The following PRKG1 variants were observed in gnomAD, a reference collection of about 807,000 sequenced individuals.
PRKG1 encodes cGMP-dependent protein kinase 1.
In PRKG1, 35 loss-of-function variants were observed where a neutral mutation model predicts 88.1. The observed-to-expected ratio is 0.40, with a 90% CI of 0.30 to 0.53. PRKG1 has a LOEUF of 0.53. Ranked by LOEUF, PRKG1 falls within the 20% of genes least tolerant of loss-of-function variation. The pLI is 0.59. For synonymous variants in PRKG1, 303 were observed against 292.5 expected (o/e 1.04, Z -0.37); for missense variants, 540 against 839.8 (o/e 0.64, Z 4.41).
chr10:51,998,387 C>A (rs1011645100), intron 5 of PRKG1, among the ~76,000 whole-genome samples: 2 of 152,100 alleles, frequency 1.3e-5, no homozygotes, highest in Non-Finnish European at 2.9e-5. Flanking sequence ...TCAACAAATA[C>A]CCCTAGGCTG....
At chr10:52,157,544 CAGA>C (rs1471500334) in intron 8 of PRKG1, among the ~76,000 whole-genome samples, 5 of 151,144 alleles carry the variant, frequency 3.3e-5, no homozygotes, top group Admixed American at 3.3e-4. Flanking sequence ...CAGCTCCCTT[CAGA>C]AGAATGTTTT....
chr10:52,254,129 C>T (rs1841252015), intron 10 of PRKG1, among the ~76,000 whole-genome samples: 1 of 152,024 alleles, frequency 6.6e-6, no homozygotes. Context: ...GGCCTCATCA[C>T]TTTGCCCATA....
chr10:51,348,538 G>C (rs1842165931), intron 2 of PRKG1, among the ~76,000 whole-genome samples: 1 of 151,890 alleles, frequency 6.6e-6, no homozygotes, highest in South Asian at 2.1e-4. Context: ...GCGCATTAGA[G>C]ATCCCACACA....
chr10:51,842,923 C>T (rs1190936777), intron 4 of PRKG1, among the ~76,000 whole-genome samples: 1 of 151,720 alleles, frequency 6.6e-6, no homozygotes, highest in Non-Finnish European at 1.5e-5. Context: ...AAATGTGAAA[C>T]AATTTTCTAT....
At chr10:51,582,482 A>G (rs534233680) in intron 3 of PRKG1, among the ~76,000 whole-genome samples, 1 of 148,256 alleles carries the variant, frequency 6.7e-6, no homozygotes, top group South Asian at 2.2e-4. Flanking sequence ...CCCTCCACCC[A>G]CCCTCCCTGA....
At chr10:51,058,037 A>C (rs1843650826) in intron 1 of PRKG1, among the ~76,000 whole-genome samples, 1 of 152,138 alleles carries the variant, frequency 6.6e-6, no homozygotes, top group Non-Finnish European at 1.5e-5. Context: ...AATTCTTTTC[A>C]ATTTTAGCCA....
intron 2 of PRKG1, among the ~76,000 whole-genome samples, chr10:51,322,549 T>C (rs994753134): frequency 1.3e-5 from 2 of 152,142 alleles, no homozygotes; most frequent in Non-Finnish European, 2.9e-5. Flanking sequence ...ATAATAGTAA[T>C]AGCAATAGAA....
chr10:52,111,630 T>C, intron 7 of PRKG1, among the ~76,000 whole-genome samples: 1 of 152,214 alleles, frequency 6.6e-6, no homozygotes, highest in East Asian at 1.9e-4. Context: ...ATTTTAGTCT[T>C]TCTCTAGATA....
At chr10:51,633,725 A>C (rs1254400411) in intron 3 of PRKG1, among the ~76,000 whole-genome samples, 3 of 152,146 alleles carry the variant, frequency 2.0e-5, no homozygotes, top group African/African-American at 7.2e-5. Context: ...CGGCAGTTTT[A>C]GATTTTACTT....
intron 2 of PRKG1, among the ~76,000 whole-genome samples, chr10:51,415,176 C>T (rs2132695537): frequency 6.6e-6 from 1 of 152,336 alleles, no homozygotes; most frequent in Non-Finnish European, 1.5e-5. Context: ...TATGCTGCCT[C>T]TCTGCAGTAG....
intron 3 of PRKG1, among the ~76,000 whole-genome samples, chr10:51,601,240 T>C (rs1838590893): frequency 6.6e-6 from 1 of 152,174 alleles, no homozygotes; most frequent in African/African-American, 2.4e-5. Context: ...ACTCCCCATA[T>C]ATTTATTGAA....
intron 9 of PRKG1, among the ~76,000 whole-genome samples, chr10:52,231,765 A>G (rs1482670945): frequency 6.6e-6 from 1 of 152,234 alleles, no homozygotes; most frequent in Non-Finnish European, 1.5e-5. Flanking sequence ...CTAAGATTGC[A>G]GTGATTCTTA....
chr10:51,920,096 C>T lies in PRKG1; in HGVS notation c.762+12526C>T, dbSNP rs560470918. Among the ~76,000 whole-genome samples the T allele has an allele frequency of 3.3e-5, 5 of 152,150 alleles. No homozygotes were observed. The East Asian group carries it at 9.7e-4, about 29-fold the overall frequency. ...TGCCTTCTGAAATACAAGAACTCAT[C>T]ATGAGGGCATGTAGAGTAGAGGTTG... On this transcript the variant is annotated intron_variant, in intron 5 of 17. Transcript: ENST00000373980.
intron 2 of PRKG1, among the ~76,000 whole-genome samples, chr10:51,361,748 C>T (rs574116881): frequency 2.3e-3 from 351 of 151,856 alleles, no homozygotes; most frequent in African/African-American, 8.2e-3. Flanking sequence ...ATTCTAGGAA[C>T]AGAAGTGCAA....
chr10:52,183,726 A>G (rs1910546), intron 9 of PRKG1, among the ~76,000 whole-genome samples: 2 of 152,120 alleles, frequency 1.3e-5, no homozygotes, highest in South Asian at 4.2e-4. Flanking sequence ...TGGTGCCATG[A>G]TGCAACAGCT....
chr10:52,022,936 C>CTTT (rs1233802023), intron 5 of PRKG1, among the ~76,000 whole-genome samples: 3 of 152,000 alleles, frequency 2.0e-5, no homozygotes, highest in Admixed American at 1.3e-4. Flanking sequence ...TTTAATTATA[C>CTTT]TTTAAGTTCT....
chr10:51,804,652 A>G lies in PRKG1; in HGVS notation c.660A>G (p.Gly220=). Residue 220 remains glycine, a synonymous_variant, in exon 4 of 18, where the codon GGA becomes GGG. Coordinates refer to ENST00000373980, the MANE Select transcript of PRKG1 (RefSeq NM_006258.4). ...QCFQTIMMRT[G]LIKHTEYMEF... Reference sequence around the variant, plus strand: ...TTCAAACAATAATGATGAGGACAGGACTCATCAAGCATACCGAGTATATGG... The same window carrying G: ...TTCAAACAATAATGATGAGGACAGGGCTCATCAAGCATACCGAGTATATGG... 6.3e-7 allele frequency: 1 copy of G among 1,599,338 alleles called. No homozygotes were observed. Among genetic ancestry groups the G allele is most frequent in the Non-Finnish European group, 8.6e-7 (1 of 1,167,148 alleles).
At chr10:51,431,401 G>GT (rs901674784) in intron 2 of PRKG1, among the ~76,000 whole-genome samples, 2 of 152,206 alleles carry the variant, frequency 1.3e-5, no homozygotes, top group African/African-American at 4.8e-5. Flanking sequence ...GAAGGACAAG[G>GT]TGGGAGAAGG....
intron 7 of PRKG1, among the ~76,000 whole-genome samples, chr10:52,075,092 A>G (rs1846595874): frequency 6.6e-6 from 1 of 152,226 alleles, no homozygotes; most frequent in African/African-American, 2.4e-5. Flanking sequence ...GCCATTTCGA[A>G]AAATGTCAAT....
Sources: allele counts gnomAD v4.1 joint callset (sites outside exome capture counted in the v4.1 genomes callset), GRCh38; gene constraint gnomAD v4.1.1; transcripts MANE v1.5; gene names NCBI Gene and HGNC (gene_info 2026-07-23, HGNC 2026-07-21).